The following GPC5 variants were observed in gnomAD, a reference collection of about 807,000 sequenced individuals.
GPC5 encodes the protein glypican 5.
In GPC5, 47 loss-of-function variants were observed where a neutral mutation model predicts 53.9. The ratio of observed to expected loss-of-function variants is 0.87; its 90% CI spans 0.69 to 1.11. The LOEUF is 1.11. GPC5 is among the 50% of genes most tolerant of loss of function. GPC5 has a pLI of 0.00. For missense variants in GPC5, 748 were observed against 713.1 expected, an observed-to-expected ratio of 1.05 and a Z score of -0.56; for synonymous variants, 286 against 263.3, an observed-to-expected ratio of 1.09 and a Z score of -0.84.
chr13:92,843,011 G>T (rs1878483529), intron 7 of GPC5, among the ~76,000 whole-genome samples: 1 of 152,128 alleles, frequency 6.6e-6, no homozygotes, highest in African/African-American at 2.4e-5. Flanking sequence ...TTTTTGAGCA[G>T]TGACCATGTG....
chr13:91,748,134 C>G (rs1026302133), intron 4 of GPC5, among the ~76,000 whole-genome samples: 3 of 152,202 alleles, frequency 2.0e-5, no homozygotes, highest in Non-Finnish European at 2.9e-5. Flanking sequence ...CAGATGATCT[C>G]TAAGGCTCTT....
Position 92,427,487 on chromosome 13 carries a change from G to C in GPC5, c.1561+282498G>C, listed in dbSNP as rs569090657. ...TGCAGTGAGGGAATGGTGAGAGAGA[G>C]AGTGAACAAGATGATTGACAGCAGT... On this transcript the variant is annotated intron_variant, in intron 7 of 7. Transcript: ENST00000377067. Among the ~76,000 whole-genome samples, 553 of 151,390 alleles carry C rather than the reference G, an allele frequency of 3.7e-3. 3 individuals are homozygous for C. Among genetic ancestry groups the C allele is most frequent in the African/African-American group, 0.013 (520 of 41,212 alleles).
chr13:92,409,355 G>A (rs1004997118), intron 7 of GPC5, among the ~76,000 whole-genome samples: 2 of 151,728 alleles, frequency 1.3e-5, no homozygotes, highest in Admixed American at 6.6e-5. Context: ...GAATCATAAC[G>A]AAGGTAACCA....
chr13:92,794,846 C>T (rs940218094), intron 7 of GPC5, among the ~76,000 whole-genome samples: 1 of 152,056 alleles, frequency 6.6e-6, no homozygotes, highest in African/African-American at 2.4e-5. Flanking sequence ...AAGATCTCTT[C>T]AAGGAGAACT....
intron 7 of GPC5, among the ~76,000 whole-genome samples, chr13:92,728,600 A>C (rs933976791): frequency 7.3e-6 from 1 of 136,870 alleles, no homozygotes; most frequent in Non-Finnish European, 1.5e-5. Context: ...GTAGGAATTT[A>C]AATGTTGACA....
chr13:92,430,566 A>G (rs1174124973), intron 7 of GPC5, among the ~76,000 whole-genome samples: 1 of 152,134 alleles, frequency 6.6e-6, no homozygotes, highest in African/African-American at 2.4e-5. Context: ...CATTTTTATC[A>G]CATTTTGGTG....
At position 91,582,391 on chromosome 13, in the gene GPC5, A is replaced by C. The variant is rs140898484; in HGVS notation, c.326-110796A>C. ...AGTTATCTCTTTAATTTTCCATATA[A>C]AACAGCTGGTAGTCAAACAAACAAA... On this transcript the variant is annotated intron_variant, in intron 2 of 7. Transcript: ENST00000377067. Among the ~76,000 whole-genome samples the C allele has an allele frequency of 6.7e-3, 1,024 of 152,286 alleles. 11 individuals are homozygous for C. The highest frequency in any genetic ancestry group is 0.023 in the African/African-American group (949 of 41,546).
At chr13:92,005,532 T>C (rs1237400656) in intron 6 of GPC5, among the ~76,000 whole-genome samples, 1 of 152,174 alleles carries the variant, frequency 6.6e-6, no homozygotes, top group Non-Finnish European at 1.5e-5. Flanking sequence ...GGGTTCCTTA[T>C]CCTCCTCTTA....
chr13:92,056,491 A>G (rs2041075759), intron 6 of GPC5, among the ~76,000 whole-genome samples: 1 of 152,146 alleles, frequency 6.6e-6, no homozygotes. Flanking sequence ...GACTCTGTTT[A>G]CCACAATCGT....
chr13:92,459,554 C>T (rs1224953199), intron 7 of GPC5, among the ~76,000 whole-genome samples: 7 of 152,248 alleles, frequency 4.6e-5, no homozygotes, highest in Admixed American at 1.3e-4. Flanking sequence ...GACAGCTGGA[C>T]GATTGTTCAC....
chr13:91,910,398 A>T (rs1038469827), intron 6 of GPC5, among the ~76,000 whole-genome samples: 1 of 152,200 alleles, frequency 6.6e-6, no homozygotes, highest in Non-Finnish European at 1.5e-5. Context: ...CGACATAGGA[A>T]TAGGTTTCAG....
intron 7 of GPC5, among the ~76,000 whole-genome samples, chr13:92,746,161 T>TCTAA (rs1477133178): frequency 1.3e-5 from 2 of 152,070 alleles, no homozygotes; most frequent in Non-Finnish European, 2.9e-5. Flanking sequence ...CAGCTGTACA[T>TCTAA]CTAACTTGGT....
chr13:92,561,647 A>G (rs914643996), intron 7 of GPC5, among the ~76,000 whole-genome samples: 2 of 152,174 alleles, frequency 1.3e-5, no homozygotes, highest in Admixed American at 1.3e-4. Context: ...GTGCAGTGTT[A>G]TCATTAGTAC....
chr13:92,674,199 C>T (rs1886852557), intron 7 of GPC5, among the ~76,000 whole-genome samples: 1 of 152,130 alleles, frequency 6.6e-6, no homozygotes. Context: ...GCTGCACATT[C>T]AAGCTTTGAC....
At chr13:92,175,242 C>G (rs1046218787) in intron 7 of GPC5, among the ~76,000 whole-genome samples, 2 of 152,170 alleles carry the variant, frequency 1.3e-5, no homozygotes, top group Non-Finnish European at 2.9e-5. Flanking sequence ...AACCTGTTTT[C>G]AGATTTAATG....
At chr13:92,497,644 T>C (rs1880026091) in intron 7 of GPC5, among the ~76,000 whole-genome samples, 1 of 152,162 alleles carries the variant, frequency 6.6e-6, no homozygotes, top group African/African-American at 2.4e-5. Flanking sequence ...CTGTGAAGAA[T>C]GTCAATGGTA....
rs1364584191 is a variant in GPC5, at chr13:92,361,804, T to C, written c.1561+216815T>C. On this transcript the variant is annotated intron_variant, in intron 7 of 7. Coordinates refer to ENST00000377067, the MANE Select transcript of GPC5 (RefSeq NM_004466.6). ...CAACAGATTATACAATTATATGTAA[T>C]GACTCATAAGTGGATTAGCTGGTAA... 3.3e-5 allele frequency among the ~76,000 whole-genome samples: 5 copies of C among 151,922 alleles called. No homozygotes were observed. The East Asian group carries it at 9.6e-4, about 29-fold the overall frequency.
chr13:92,757,459 A>C (rs1245809505), intron 7 of GPC5, among the ~76,000 whole-genome samples: 1 of 152,242 alleles, frequency 6.6e-6, no homozygotes, highest in Non-Finnish European at 1.5e-5. Flanking sequence ...AGCAATGGCA[A>C]CAGAAGCCAA....
intron 7 of GPC5, among the ~76,000 whole-genome samples, chr13:92,330,160 T>C (rs983457529): frequency 6.6e-6 from 1 of 152,148 alleles, no homozygotes; most frequent in African/African-American, 2.4e-5. Context: ...TAGCGATAGG[T>C]TGGTAAACTG....
Sources: gnomAD v4.1 joint callset for allele counts (sites outside exome capture counted in the v4.1 genomes callset) on GRCh38, gnomAD v4.1.1 for gene constraint, MANE v1.5 for transcripts, NCBI Gene and HGNC (gene_info 2026-07-23, HGNC 2026-07-21) for gene names.